SLC9A2: variants seen among roughly 807,000 people sequenced by gnomAD.
SLC9A2 encodes solute carrier family 9 member A2.
SLC9A2 carries 42 observed loss-of-function variants against 71.7 expected under a neutral mutation model. The observed-to-expected ratio is 0.59, with a 90% CI of 0.46 to 0.76. The LOEUF (loss-of-function observed/expected upper bound fraction) is 0.76. SLC9A2 is among the 30% of genes least tolerant of loss of function. The pLI is 0.00. For synonymous variants in SLC9A2, 396 were observed against 392.5 expected, an observed-to-expected ratio of 1.01 and a Z score of -0.10; for missense variants, 829 against 1,017.4, an observed-to-expected ratio of 0.81 and a Z score of 2.52.
At chr2:102,650,453 G>T (rs547151620) in intron 1 of SLC9A2, among the ~76,000 whole-genome samples, 1 of 152,102 alleles carries the variant, frequency 6.6e-6, no homozygotes, top group South Asian at 2.1e-4. Flanking sequence ...TAACAAACCT[G>T]CACCTTCTGC....
chr2:102,695,781 T>TATATATATTATATATATATATATA (rs1553429154), intron 7 of SLC9A2, among the ~76,000 whole-genome samples: 5 of 15,496 alleles, frequency 3.2e-4, no homozygotes, highest in African/African-American at 6.2e-4. Flanking sequence ...ATATATATTA[T>TATATATATTATATATATATATATA]ATATATATTA....
chr2:102,703,018 T>A (rs1222885652), intron 9 of SLC9A2, among the ~76,000 whole-genome samples: 1 of 152,118 alleles, frequency 6.6e-6, no homozygotes, highest in Non-Finnish European at 1.5e-5. Context: ...AATCCTCCAG[T>A]GAGTGGTAGG....
chr2:102,633,533 T>C (rs1384218641), intron 1 of SLC9A2, among the ~76,000 whole-genome samples: 8 of 152,138 alleles, frequency 5.3e-5, no homozygotes, highest in Admixed American at 2.6e-4. Flanking sequence ...CTTCGTGTGA[T>C]TCTGTGAGGA....
rs2104561729 is a variant in SLC9A2 at position 102,709,950 on chromosome 2, G to A, written c.*1461G>A. 2 of 152,522 alleles carry A rather than the reference G, an allele frequency of 1.3e-5. 1 individual carries two copies. The highest frequency in any genetic ancestry group is 4.8e-5 in the African/African-American group (2 of 41,556). The allele number at this position is 152,522 out of a possible 1,614,324, so 9.4% of individuals were successfully genotyped here. ...AGTGCCTACAGTATTATCAGGAGGAGAACATGAAAATATTAAGACAAAAAT... is the reference window on the plus strand; with the variant it reads ...AGTGCCTACAGTATTATCAGGAGGAAAACATGAAAATATTAAGACAAAAAT... On this transcript the variant is annotated 3_prime_UTR_variant, in exon 12 of 12. Coordinates refer to ENST00000233969, the MANE Select transcript of SLC9A2 (RefSeq NM_003048.6).
intron 11 of SLC9A2, among the ~76,000 whole-genome samples, chr2:102,706,720 C>T (rs1677984179): frequency 6.6e-6 from 1 of 152,122 alleles, no homozygotes; most frequent in South Asian, 2.1e-4. Flanking sequence ...CAAATATTGT[C>T]ATCATGGGGC....
intron 3 of SLC9A2, among the ~76,000 whole-genome samples, chr2:102,670,849 C>CCT (rs372937914): frequency 2.6e-5 from 2 of 75,886 alleles, no homozygotes; most frequent in East Asian, 1.0e-3. Flanking sequence ...GGAAGGCATG[C>CCT]TTTTTTTTTT....
intron 3 of SLC9A2, among the ~76,000 whole-genome samples, chr2:102,678,317 G>T (rs1409236478): frequency 2.3e-5 from 3 of 129,532 alleles, no homozygotes; most frequent in Admixed American, 7.8e-5. Context: ...CATTAACTAG[G>T]TATGGAAAAT....
At chr2:102,631,311 G>A (rs1054812945) in intron 1 of SLC9A2, among the ~76,000 whole-genome samples, 3 of 150,016 alleles carry the variant, frequency 2.0e-5, no homozygotes. Flanking sequence ...TTTTGTGCTA[G>A]TATTTATTTA....
chr2:102,687,646 T>C (rs1677572767), intron 5 of SLC9A2, among the ~76,000 whole-genome samples: 1 of 152,236 alleles, frequency 6.6e-6, no homozygotes, highest in Non-Finnish European at 1.5e-5. Context: ...TTTCACATGA[T>C]GTATGATGCA....
At chr2:102,701,041 T>C in intron 7 of SLC9A2, 29 bp from the exon 8 acceptor site, 1 of 1,470,236 alleles carries the variant, frequency 6.8e-7, no homozygotes, top group East Asian at 2.3e-5. Context: ...AATCCAGTAT[T>C]AATTTATTGA....
chr2:102,694,332 AT>A lies in SLC9A2; in HGVS notation c.1426-79del, dbSNP rs575527953. The A allele has an allele frequency of 2.1e-4, 87 of 411,024 alleles. No individual in the cohort carries two copies. The Admixed American group carries it at 2.5e-3, about 12-fold the overall frequency. 25.5% of individuals were successfully genotyped at this position (411,024 alleles called of 1,614,324 possible). On this transcript the variant is annotated intron_variant, in intron 5 of 11. Transcript: ENST00000233969. ...AATATTAAAATGTAGTTTATAAAAA[AT>A]TTATATTAAAATTTTTATATTAAAC...
intron 3 of SLC9A2, among the ~76,000 whole-genome samples, chr2:102,670,849 CTT>C (rs10687841): frequency 0.019 from 1,457 of 75,844 alleles, 22 homozygotes; most frequent in African/African-American, 0.064. Flanking sequence ...GGAAGGCATG[CTT>C]TTTTTTTTTT....
intron 1 of SLC9A2, among the ~76,000 whole-genome samples, chr2:102,651,349 T>C (rs1044036770): frequency 2.6e-5 from 4 of 152,214 alleles, no homozygotes; most frequent in African/African-American, 9.6e-5. Flanking sequence ...CTGCAGGCTC[T>C]AGCATTTTTC....
At chr2:102,665,856 T>G (rs1318000660) in intron 3 of SLC9A2, among the ~76,000 whole-genome samples, 1 of 149,936 alleles carries the variant, frequency 6.7e-6, no homozygotes, top group Non-Finnish European at 1.5e-5. Context: ...GCAAAACTTA[T>G]GCTACCATGA....
At chr2:102,645,127 G>T (rs543821238) in intron 1 of SLC9A2, among the ~76,000 whole-genome samples, 214 of 152,316 alleles carry the variant, frequency 1.4e-3, no homozygotes, top group Non-Finnish European at 2.2e-3. Flanking sequence ...TTGCTGTTCT[G>T]CAGCCTCCGC....
At chr2:102,662,777 C>T (rs765990766) in intron 2 of SLC9A2, among the ~76,000 whole-genome samples, 6 of 147,838 alleles carry the variant, frequency 4.1e-5, no homozygotes, top group African/African-American at 7.4e-5. Context: ...AAAAAAAAAG[C>T]GTCCCAGGTG....
chr2:102,639,603 T>C (rs1393955672), intron 1 of SLC9A2, among the ~76,000 whole-genome samples: 1 of 152,250 alleles, frequency 6.6e-6, no homozygotes, highest in Non-Finnish European at 1.5e-5. Flanking sequence ...TCAGTGGCAT[T>C]GAGTACATTA....
chr2:102,673,711 T>C lies in SLC9A2; in HGVS notation c.1004+8361T>C, dbSNP rs559294044. 2.0e-5 allele frequency among the ~76,000 whole-genome samples: 3 copies of C among 152,288 alleles called. No homozygotes were observed. The East Asian group carries it at 5.8e-4, about 29-fold the overall frequency. On this transcript the variant is annotated intron_variant, in intron 3 of 11. Transcript: ENST00000233969. ...TCAAGAATATTGTAGGAAATAACAC[T>C]ACTTTCTGGTAATGTGTAGGCCAAA...
rs150295663 is a variant in SLC9A2, at chr2:102,689,578, A to G, written c.1426-4836A>G. On this transcript the variant is annotated intron_variant, in intron 5 of 11. Transcript: ENST00000233969. ...TATTTTTATATATGTACTGTTTAAAAAGGACACCATCTTTATATTTCATTA... is the reference window on the plus strand; with the variant it reads ...TATTTTTATATATGTACTGTTTAAAGAGGACACCATCTTTATATTTCATTA... The G allele has an allele frequency of 1.3e-3, 200 of 152,352 alleles. 2 individuals are homozygous for G. The highest frequency in any genetic ancestry group is 4.5e-3 in the African/African-American group (187 of 41,590). The allele number at this position is 152,352 out of a possible 1,614,324, so 9.4% of individuals were successfully genotyped here.
Sources: gnomAD v4.1 joint callset for allele counts (sites outside exome capture counted in the v4.1 genomes callset) on GRCh38, gnomAD v4.1.1 for gene constraint, MANE v1.5 for transcripts, NCBI Gene and HGNC (gene_info 2026-07-23, HGNC 2026-07-21) for gene names.